TBC1D16: variants seen among roughly 807,000 people sequenced by gnomAD.
The protein encoded by TBC1D16 is TBC1 domain family member 16, also known as CTD-2529O21.1.
TBC1D16 carries 58 observed loss-of-function variants against 74.7 expected under a neutral mutation model. The observed-to-expected ratio is 0.78, with a 90% CI of 0.63 to 0.97. TBC1D16 has a LOEUF of 0.97. Among genes scored for constraint, TBC1D16 ranks in the 50% least tolerant of loss-of-function variants. The pLI is 0.00. For missense variants in TBC1D16, 1,014 were observed against 1,079.5 expected (o/e 0.94, Z 0.85); for synonymous variants, 493 against 474.7 (o/e 1.04, Z -0.50).
At position 79,954,109 on chromosome 17, in the gene TBC1D16, TA is replaced by T. The variant is rs1479280263; in HGVS notation, c.780-1292del. Among the ~76,000 whole-genome samples the T allele has an allele frequency of 6.6e-6, 1 of 152,100 alleles. No individual in the cohort carries two copies. Among genetic ancestry groups the T allele is most frequent in the Non-Finnish European group, 1.5e-5 (1 of 68,014 alleles). On this transcript the variant is annotated intron_variant, in intron 3 of 11. Transcript: ENST00000310924. This position sits in a 1 kb window ranked among gnomAD's most constrained non-coding sequence, Gnocchi z 5.5. ...AATGTCTAGCAAATGTCTGCTAAAA[TA>T]AAACCGGAGTACAGGCAAGACTCAG...
At position 79,994,246 on chromosome 17, in the gene TBC1D16, A is replaced by G. The variant is rs555274621; in HGVS notation, c.779+15914T>C. On this transcript the variant is annotated intron_variant, in intron 3 of 11. Transcript: ENST00000310924. The surrounding 1 kb of genome is among the most constrained non-coding windows in gnomAD (Gnocchi z 4.6). ...TTAGAATCCAGCTCCCTTGGGGGAC[A>G]TACCTGGCTGGTGACTTCTAGAATC... is the stretch of plus-strand genomic sequence containing the variant. Among the ~76,000 whole-genome samples, 1 of 151,740 alleles carries G rather than the reference A, an allele frequency of 6.6e-6. No homozygotes were observed. The highest frequency in any genetic ancestry group is 2.4e-5 in the African/African-American group (1 of 41,348).
chr17:79,996,561 G>C (rs1473491955), intron 3 of TBC1D16, among the ~76,000 whole-genome samples: 1 of 152,256 alleles, frequency 6.6e-6, no homozygotes, highest in African/African-American at 2.4e-5. Context: ...GCCACTCTAT[G>C]CAACAGTTTA....
Position 79,940,842 on chromosome 17 carries a change from G to C in TBC1D16, c.*17C>G, listed in dbSNP as rs893923350. ...GAGGAGGTCCCCTCAACCCCTGTCC[G>C]GTGTCGGGGGCCCGACCTATCTGCG... On this transcript the variant is annotated 3_prime_UTR_variant, in exon 12 of 12. Coordinates refer to ENST00000310924, the MANE Select transcript of TBC1D16 (RefSeq NM_019020.4). This position sits in a 1 kb window ranked among gnomAD's most constrained non-coding sequence, Gnocchi z 5.4. 6.6e-7 allele frequency: 1 copy of C among 1,516,162 alleles called. No homozygotes were observed. Among genetic ancestry groups the C allele is most frequent in the Admixed American group, 1.9e-5 (1 of 51,656 alleles). The allele number at this position is 1,516,162 out of a possible 1,614,324, so 93.9% of individuals were successfully genotyped here.
Position 79,940,739 on chromosome 17 carries a change from A to C in TBC1D16, c.*120T>G. The C allele has an allele frequency of 8.1e-7, 1 of 1,237,360 alleles. No individual in the cohort carries two copies. The highest frequency in any genetic ancestry group is 2.3e-5 in the South Asian group (1 of 42,860). The allele number at this position is 1,237,360 out of a possible 1,614,324, so 76.6% of individuals were successfully genotyped here. A position where few individuals can be genotyped will look rare whatever the true frequency, so the allele number is the denominator to read the frequency against. On this transcript the variant is annotated 3_prime_UTR_variant, in exon 12 of 12. Transcript: ENST00000310924. This position sits in a 1 kb window ranked among gnomAD's most constrained non-coding sequence, Gnocchi z 5.4. Reference sequence around the variant, plus strand: ...GAAAAGGTTCCTCTCATGTTGCCCAAAAGCATTTTCCTTAGGTTTCTACCG... The same window carrying C: ...GAAAAGGTTCCTCTCATGTTGCCCACAAGCATTTTCCTTAGGTTTCTACCG...
At chr17:80,016,629 T>G (rs2036100022) in intron 1 of TBC1D16, among the ~76,000 whole-genome samples, 1 of 151,226 alleles carries the variant, frequency 6.6e-6, no homozygotes, top group African/African-American at 2.4e-5. Context: ...GGTGGAGGGG[T>G]CCCCACTGGC....
At chr17:80,030,776 C>T (rs1177164394) in intron 1 of TBC1D16, among the ~76,000 whole-genome samples, 2 of 152,074 alleles carry the variant, frequency 1.3e-5, no homozygotes, top group African/African-American at 2.4e-5. Flanking sequence ...GAGGCAGAGG[C>T]AGGCAGGGTG....
In TBC1D16 at chr17:79,936,426, T is replaced by C. The variant is rs1360675700; in HGVS notation, c.*4433A>G. 6.6e-6 allele frequency: 1 copy of C among 152,130 alleles called. No homozygotes were observed. Among genetic ancestry groups the C allele is most frequent in the East Asian group, 1.9e-4 (1 of 5,170 alleles). 9.4% of individuals were successfully genotyped at this position (152,130 alleles called of 1,614,324 possible). ...GTGGTCCCTGGGACTTCATAAACCA[T>C]CCTCATGACAGTTTTACACTTAGAG... On this transcript the variant is annotated 3_prime_UTR_variant, in exon 12 of 12. Coordinates refer to ENST00000310924, the MANE Select transcript of TBC1D16 (RefSeq NM_019020.4).
chr17:80,010,252 G>T lies in TBC1D16; in HGVS notation c.687C>A (p.Asp229Glu), dbSNP rs2035828435. ...AGAAGGGCGAGGAGAAGGTGTCTGA[G>T]TCTGAGTCAAAGGAGCTGTCTCTGC... The part of the protein sequence containing the change: ...GVSRDSSFDS[D>E]SDTFSSPFCL... The change falls in exon 3 of 12, where the codon GAC becomes GAA. Residue 229 changes from aspartate to glutamate, a missense_variant. Asp to Glu is a conservative substitution (Grantham distance 45). Transcript: ENST00000310924. The surrounding 1 kb of genome is among the most constrained non-coding windows in gnomAD (Gnocchi z 8.8). The T allele has an allele frequency of 6.2e-7, 1 of 1,613,470 alleles. No homozygotes were observed. The highest frequency in any genetic ancestry group is 1.7e-5 in the Admixed American group (1 of 59,974).
chr17:79,941,117 G>T lies in TBC1D16; in HGVS notation c.2056-10C>A. 6.4e-7 allele frequency: 1 copy of T among 1,559,206 alleles called. No individual in the cohort carries two copies. The highest frequency in any genetic ancestry group is 2.4e-5 in the East Asian group (1 of 42,340). ...ACAGCAAACTCCTCGCCTGCAGACA[G>T]AGGACGGGGGGTGAGGAGGGGCCGG... On this transcript the variant is annotated splice_polypyrimidine_tract_variant and intron_variant, in intron 11 of 11. Coordinates refer to ENST00000310924, the MANE Select transcript of TBC1D16 (RefSeq NM_019020.4). The surrounding 1 kb of genome is among the most constrained non-coding windows in gnomAD (Gnocchi z 4.3).
chr17:80,027,912 A>G lies in TBC1D16; in HGVS notation c.-63+7883T>C, dbSNP rs1016180471. 1.3e-3 allele frequency among the ~76,000 whole-genome samples: 197 copies of G among 148,820 alleles called. 1 individual carries two copies. Among genetic ancestry groups the G allele is most frequent in the South Asian group, 4.3e-4 (2 of 4,602 alleles). On this transcript the variant is annotated intron_variant, in intron 1 of 11. Coordinates refer to ENST00000310924, the MANE Select transcript of TBC1D16 (RefSeq NM_019020.4). ...AACTCAAAAAAAAAAAAAAAAAAAA[A>G]AGAGAAGCAGCTAAGGGTAGATCCT...
chr17:79,940,736 C>G lies in TBC1D16; in HGVS notation c.*123G>C. On this transcript the variant is annotated 3_prime_UTR_variant, in exon 12 of 12. Coordinates refer to ENST00000310924, the MANE Select transcript of TBC1D16 (RefSeq NM_019020.4). This position sits in a 1 kb window ranked among gnomAD's most constrained non-coding sequence, Gnocchi z 5.4. ...TATGAAAAGGTTCCTCTCATGTTGC[C>G]CAAAAGCATTTTCCTTAGGTTTCTA... is the stretch of plus-strand genomic sequence containing the variant. The G allele has an allele frequency of 8.2e-7, 1 of 1,214,484 alleles. No homozygotes were observed. Among genetic ancestry groups the G allele is most frequent in the Non-Finnish European group, 1.1e-6 (1 of 919,540 alleles). The allele number at this position is 1,214,484 out of a possible 1,614,324, so 75.2% of individuals were successfully genotyped here. A position where few individuals can be genotyped will look rare whatever the true frequency, so the allele number is the denominator to read the frequency against.
At chr17:79,943,464 C>T (rs563704253) in intron 10 of TBC1D16, among the ~76,000 whole-genome samples, 4 of 152,190 alleles carry the variant, frequency 2.6e-5, no homozygotes, top group Non-Finnish European at 4.4e-5. Flanking sequence ...CGGATAGCAT[C>T]AAAAGCCTTT....
chr17:79,947,951 G>A (rs1490234940), intron 8 of TBC1D16, 120 bp from the exon 9 acceptor site: 13 of 781,510 alleles, frequency 1.7e-5, no homozygotes, highest in Admixed American at 2.7e-5. Flanking sequence ...CTCAGTGGAA[G>A]GCAGCTGTGC....
Position 79,940,139 on chromosome 17 carries a change from C to T in TBC1D16, c.*720G>A, listed in dbSNP as rs2031858054. 2 of 152,222 alleles carry T rather than the reference C, an allele frequency of 1.3e-5. No homozygotes were observed. Among genetic ancestry groups the T allele is most frequent in the African/African-American group, 4.8e-5 (2 of 41,444 alleles). The allele number at this position is 152,222 out of a possible 1,614,324, so 9.4% of individuals were successfully genotyped here. A position where few individuals can be genotyped will look rare whatever the true frequency, so the allele number is the denominator to read the frequency against. ...CAGATGCTTCTCCAACAGCCTGAGG[C>T]TCAGGCTCCTGGGCAGACAGTTCCC... On this transcript the variant is annotated 3_prime_UTR_variant, in exon 12 of 12. Transcript: ENST00000310924. The surrounding 1 kb of genome is among the most constrained non-coding windows in gnomAD (Gnocchi z 5.4).
At chr17:80,016,010 CAA>C (rs60327293) in intron 1 of TBC1D16, among the ~76,000 whole-genome samples, 12,088 of 89,146 alleles carry the variant, frequency 0.14, 380 homozygotes, top group African/African-American at 0.18. Context: ...GACTCCATCT[CAA>C]AAAAAAAAAA....
intron 3 of TBC1D16, among the ~76,000 whole-genome samples, chr17:80,006,656 C>T (rs573442287): frequency 2.0e-5 from 3 of 151,438 alleles, no homozygotes; most frequent in Admixed American, 1.3e-4. Context: ...TTTTCTTTTT[C>T]TTTCTTTCTT....
chr17:80,023,667 A>ATC lies in TBC1D16; in HGVS notation c.-62-10059_-62-10058insGA, dbSNP rs150376957. Among the ~76,000 whole-genome samples, 195 of 142,600 alleles carry ATC rather than the reference A, an allele frequency of 1.4e-3. 8 individuals are homozygous for ATC. In the East Asian group the frequency reaches 0.038, roughly 28 times the overall value. The allele number at this position is 142,600 out of a possible 152,430, so 93.6% of individuals were successfully genotyped here. A position where few individuals can be genotyped will look rare whatever the true frequency, so the allele number is the denominator to read the frequency against. On this transcript the variant is annotated intron_variant, in intron 1 of 11. Transcript: ENST00000310924. ...GAGAACTGCTGCCGGGCCCCCCCCC[A>ATC]CCGGCTCAGGGCGTGGCTGGGGTGG... is the stretch of plus-strand genomic sequence containing the variant.
intron 3 of TBC1D16, among the ~76,000 whole-genome samples, chr17:79,967,538 C>T (rs1289760562): frequency 2.0e-5 from 3 of 152,242 alleles, no homozygotes; most frequent in South Asian, 2.1e-4. Context: ...TCACAATACA[C>T]GTACACACAC....
intron 3 of TBC1D16, among the ~76,000 whole-genome samples, chr17:79,970,936 G>A (rs964884288): frequency 6.7e-6 from 1 of 149,606 alleles, no homozygotes; most frequent in African/African-American, 2.5e-5. Context: ...CTCTTGCATT[G>A]TTGAGTTTTA....
Sources: gnomAD v4.1 joint callset for allele counts (sites outside exome capture counted in the v4.1 genomes callset) on GRCh38, gnomAD v4.1.1 for gene constraint, Gnocchi (gnomAD v3.1) non-coding constraint, MANE v1.5 for transcripts, NCBI Gene and HGNC (gene_info 2026-07-23, HGNC 2026-07-21) for gene names.